The following STPG2 variants were observed in gnomAD, a reference collection of about 807,000 sequenced individuals.
STPG2 encodes the protein sperm-tail PG-rich repeat-containing protein 2.
STPG2 carries 56 observed loss-of-function variants against 54.2 expected under a neutral mutation model. That is an observed-to-expected ratio of 1.03 (90% CI 0.83 to 1.29). The LOEUF (loss-of-function observed/expected upper bound fraction) is 1.29, where lower values mean the gene tolerates loss of function less well. Among genes scored for constraint, STPG2 ranks in the 50% most tolerant of loss-of-function variants. STPG2 has a pLI of 0.00. For synonymous variants in STPG2, 200 were observed against 181.8 expected, an observed-to-expected ratio of 1.10 and a Z score of -0.81; for missense variants, 596 against 544.9, an observed-to-expected ratio of 1.09 and a Z score of -0.93.
chr4:97,953,278 G>A (rs1733542977), intron 7 of STPG2, among the ~76,000 whole-genome samples: 1 of 152,142 alleles, frequency 6.6e-6, no homozygotes, highest in South Asian at 2.1e-4. Context: ...GTAGCAGGTG[G>A]CAGTAAACCC....
intron 8 of STPG2, among the ~76,000 whole-genome samples, chr4:97,899,862 A>G (rs1731107740): frequency 6.6e-6 from 1 of 152,176 alleles, no homozygotes; most frequent in Non-Finnish European, 1.5e-5. Flanking sequence ...CCAAACTATA[A>G]AAACCCTTGA....
chr4:97,599,236 A>G (rs998093302), intron 10 of STPG2, among the ~76,000 whole-genome samples: 1 of 152,224 alleles, frequency 6.6e-6, no homozygotes, highest in Non-Finnish European at 1.5e-5. Flanking sequence ...TTAAAAAGTC[A>G]AAAAATAAGA....
At chr4:97,537,340 C>A (rs1414171219) in intron 4 of STPG2, among the ~76,000 whole-genome samples, 3 of 152,178 alleles carry the variant, frequency 2.0e-5, no homozygotes, top group African/African-American at 4.8e-5. Context: ...CAGATCACTC[C>A]CACCCTAATA....
intron 5 of STPG2, among the ~76,000 whole-genome samples, chr4:98,087,560 CTTT>C (rs70955916): frequency 3.0e-5 from 4 of 132,286 alleles, no homozygotes; most frequent in Admixed American, 7.7e-5. Context: ...CTCTTTTTTT[CTTT>C]TTTTTTTTTT....
chr4:97,647,216 A>C (rs531638920), intron 10 of STPG2, among the ~76,000 whole-genome samples: 1 of 152,274 alleles, frequency 6.6e-6, no homozygotes, highest in Admixed American at 6.5e-5. Flanking sequence ...CTTGAGTTAA[A>C]GTTCTGGCTC....
chr4:98,022,392 TA>T (rs1736244620), intron 5 of STPG2, among the ~76,000 whole-genome samples: 1 of 152,224 alleles, frequency 6.6e-6, no homozygotes, highest in African/African-American at 2.4e-5. Flanking sequence ...GATCCACTGT[TA>T]GTCTGATGGG....
At chr4:97,803,751 G>C (rs1727467778) in intron 9 of STPG2, among the ~76,000 whole-genome samples, 1 of 152,132 alleles carries the variant, frequency 6.6e-6, no homozygotes. Flanking sequence ...ATGTTGACCA[G>C]GCTGGTCTCG....
intron 10 of STPG2, among the ~76,000 whole-genome samples, chr4:97,671,018 C>G (rs938444432): frequency 6.6e-6 from 1 of 152,174 alleles, no homozygotes; most frequent in Admixed American, 6.5e-5. Context: ...GACTTTTGTT[C>G]TCCATGACAG....
At chr4:97,834,720 T>A (rs1422664210) in intron 9 of STPG2, among the ~76,000 whole-genome samples, 2 of 152,082 alleles carry the variant, frequency 1.3e-5, no homozygotes, top group African/African-American at 4.8e-5. Flanking sequence ...ACCCTGCTTA[T>A]TCCTGTGTTC....
Position 97,904,830 on chromosome 4 carries a change from T to C in STPG2, c.1044+39067A>G, listed in dbSNP as rs1321624904. 2.0e-5 allele frequency among the ~76,000 whole-genome samples: 3 copies of C among 152,202 alleles called. No individual in the cohort carries two copies. In the East Asian group the frequency reaches 5.8e-4, roughly 29 times the overall value. On this transcript the variant is annotated intron_variant, in intron 8 of 10. Transcript: ENST00000295268. ...AGAATGCAGAAGGCTCAGAAGCCGA[T>C]GCAATCAACTGGAAGAAAGGGTATC...
At chr4:97,826,929 C>T (rs1177717744) in intron 9 of STPG2, among the ~76,000 whole-genome samples, 1 of 152,162 alleles carries the variant, frequency 6.6e-6, no homozygotes, top group East Asian at 1.9e-4. Flanking sequence ...TTTTGTCATT[C>T]ACAGACAATT....
intron 4 of STPG2, among the ~76,000 whole-genome samples, chr4:97,502,420 T>C (rs1042525015): frequency 3.9e-5 from 6 of 151,988 alleles, no homozygotes; most frequent in Admixed American, 1.3e-4. Context: ...AATTTTCTGA[T>C]GGGGAAAACA....
chr4:97,894,498 T>C (rs1380771835), intron 8 of STPG2, among the ~76,000 whole-genome samples: 1 of 151,940 alleles, frequency 6.6e-6, no homozygotes, highest in Non-Finnish European at 1.5e-5. Flanking sequence ...GGCTGTAACT[T>C]TGTCTTCTAG....
At chr4:98,140,251 G>C (rs887070372) in intron 1 of STPG2, among the ~76,000 whole-genome samples, 1 of 152,178 alleles carries the variant, frequency 6.6e-6, no homozygotes, top group Admixed American at 6.5e-5. Flanking sequence ...TGTAGGTCAG[G>C]TGGAGGTGGA....
intron 8 of STPG2, among the ~76,000 whole-genome samples, chr4:97,933,993 T>C (rs1459256728): frequency 6.6e-6 from 1 of 152,202 alleles, no homozygotes; most frequent in Non-Finnish European, 1.5e-5. Context: ...TTCCCAACCA[T>C]GAGGATGGAA....
chr4:97,866,515 G>C lies in STPG2; in HGVS notation c.1045-25583C>G, dbSNP rs79095080. 1.3e-3 allele frequency among the ~76,000 whole-genome samples: 157 copies of C among 119,224 alleles called. 1 individual carries two copies. The highest frequency in any genetic ancestry group is 2.0e-3 in the Non-Finnish European group (112 of 57,366). 78.2% of individuals were successfully genotyped at this position (119,224 alleles called of 152,430 possible). ...AGTTCTTTCAGAAAGGGTCTATTAG[G>C]GTAAATTCTTTTTGAAAAAAATCTG... is the stretch of plus-strand genomic sequence containing the variant. On this transcript the variant is annotated intron_variant, in intron 8 of 10. Coordinates refer to ENST00000295268, the MANE Select transcript of STPG2 (RefSeq NM_174952.3).
chr4:97,760,560 A>G (rs1725859208), intron 9 of STPG2, among the ~76,000 whole-genome samples: 3 of 152,204 alleles, frequency 2.0e-5, no homozygotes, highest in Non-Finnish European at 2.9e-5. Context: ...CAACCCTACA[A>G]GTCAATAATT....
intron 10 of STPG2, among the ~76,000 whole-genome samples, chr4:97,560,024 G>T (rs891257250): frequency 6.6e-6 from 1 of 152,110 alleles, no homozygotes; most frequent in Admixed American, 6.6e-5. Context: ...GAACGGTAGG[G>T]TGATCATATT....
intron 5 of STPG2, among the ~76,000 whole-genome samples, chr4:98,022,023 A>G (rs1055127679): frequency 1.3e-5 from 2 of 151,506 alleles, no homozygotes; most frequent in Non-Finnish European, 3.0e-5. Flanking sequence ...TTACATTTAA[A>G]GTTAATATTG....
Sources: gnomAD v4.1 joint callset for allele counts (sites outside exome capture counted in the v4.1 genomes callset) on GRCh38, gnomAD v4.1.1 for gene constraint, MANE v1.5 for transcripts, NCBI Gene and HGNC (gene_info 2026-07-23, HGNC 2026-07-21) for gene names.